Variants in MDH1 observed in about 807,000 individuals in gnomAD.
MDH1 encodes malate dehydrogenase 1, also known as malate dehydrogenase, cytoplasmic.
In MDH1, 15 loss-of-function variants were observed where a neutral mutation model predicts 38.7. That is an observed-to-expected ratio of 0.39 (90% CI 0.26 to 0.60). MDH1 has a LOEUF of 0.60. Among genes scored for constraint, MDH1 ranks in the 20% least tolerant of loss-of-function variants. The probability of loss-of-function intolerance (pLI) is 0.56; values close to 1 mark genes in which losing one functional copy is unlikely to be tolerated. For missense variants in MDH1, 368 were observed against 405.2 expected (o/e 0.91, Z 0.79); for synonymous variants, 144 against 143.6 (o/e 1.00, Z -0.02).
rs750991868 is a variant in MDH1, at chr2:63,606,908, C to T, written c.926C>T (p.Ser309Leu). 1 of 1,612,118 alleles carries T rather than the reference C, an allele frequency of 6.2e-7. No individual in the cohort carries two copies. Among genetic ancestry groups the T allele is most frequent in the Non-Finnish European group, 8.5e-7 (1 of 1,178,612 alleles). The change falls in exon 9 of 9, where the codon TCA (serine) becomes TTA (leucine). Residue 309 changes from serine (S) to leucine (L), a missense_variant. By Grantham distance (145) the Ser-to-Leu change is moderately radical. Transcript: ENST00000233114. ...FVEGLPINDF[S>L]REKMDLTAKE... ...GAAGGTCTCCCTATTAATGATTTCTCACGTGAGAAGATGGATCTTACTGCA... is the reference window on the plus strand; with the variant it reads ...GAAGGTCTCCCTATTAATGATTTCTTACGTGAGAAGATGGATCTTACTGCA...
rs772046011 is a variant in MDH1 at position 63,594,585 on chromosome 2, A to C, written c.101A>C (p.Gln34Pro). The part of the protein sequence containing the change: ...IGNGSVFGKD[Q>P]PIILVLLDIT... ...AATGGATCTGTCTTTGGTAAAGATCAGGTAGGAACAGGTGTCTATAAATCT... is the reference window on the plus strand; with the variant it reads ...AATGGATCTGTCTTTGGTAAAGATCCGGTAGGAACAGGTGTCTATAAATCT... The change falls in exon 2 of 9, where the codon CAG becomes CCG. Residue 34 changes from glutamine to proline, a missense_variant and splice_region_variant. Transcript: ENST00000233114. 3 of 1,589,646 alleles carry C rather than the reference A, an allele frequency of 1.9e-6. No homozygotes were observed. The Admixed American group carries it at 5.0e-5, about 27-fold the overall frequency.
chr2:63,588,999 A>C lies in MDH1; in HGVS notation c.-45A>C. ...GCGGTAGAGGTGACCTGACTCTCTGAGGCTCATTTTGCAGTTGTTGAAATT... is the reference window on the plus strand; with the variant it reads ...GCGGTAGAGGTGACCTGACTCTCTGCGGCTCATTTTGCAGTTGTTGAAATT... On this transcript the variant is annotated 5_prime_UTR_variant, in exon 1 of 9. Coordinates refer to ENST00000233114, the MANE Select transcript of MDH1 (RefSeq NM_005917.4). The C allele has an allele frequency of 1.9e-6, 3 of 1,614,144 alleles. No homozygotes were observed. Among genetic ancestry groups the C allele is most frequent in the Non-Finnish European group, 2.5e-6 (3 of 1,180,012 alleles).
At chr2:63,597,665 T>C in intron 4 of MDH1, 91 bp downstream of exon 4, 2 of 1,149,604 alleles carry the variant, frequency 1.7e-6, no homozygotes, top group South Asian at 3.6e-5. Context: ...TTATTTGCCC[T>C]TTTTTCTAGT....
intron 5 of MDH1, 58 bp downstream of exon 5, chr2:63,599,350 A>G: frequency 6.5e-7 from 1 of 1,540,576 alleles, no homozygotes; most frequent in South Asian, 1.2e-5. Context: ...TTTTTCTCTC[A>G]CTTTTAAAAT....
rs1019117739 is a variant in MDH1 at position 63,595,619 on chromosome 2, T to C, written c.199+100T>C. 10 of 720,392 alleles carry C rather than the reference T, an allele frequency of 1.4e-5. No individual in the cohort carries two copies. The African/African-American group carries it at 1.4e-4, about 10-fold the overall frequency. The allele number at this position is 720,392 out of a possible 1,614,324, so 44.6% of individuals were successfully genotyped here. On this transcript the variant is annotated intron_variant, in intron 3 of 8. Transcript: ENST00000233114. ...AGGCTCTCAATTAGAAATTATTTCA[T>C]AAGAGGATTTTTTTATTTTGAACTA...
chr2:63,599,352 T>G, intron 5 of MDH1, 60 bp downstream of exon 5: 1 of 1,534,250 alleles, frequency 6.5e-7, no homozygotes, highest in East Asian at 2.4e-5. Context: ...TTTCTCTCAC[T>G]TTTAAAATAA....
At chr2:63,601,977 G>C (rs1054825106) in intron 5 of MDH1, among the ~76,000 whole-genome samples, 7 of 152,112 alleles carry the variant, frequency 4.6e-5, no homozygotes, top group Non-Finnish European at 1.0e-4. Context: ...ATTGAACAGC[G>C]TGCCACTCTA....
chr2:63,599,386 T>C (rs1447557404), intron 5 of MDH1, 94 bp downstream of exon 5: 2 of 1,357,528 alleles, frequency 1.5e-6, no homozygotes, highest in Non-Finnish European at 2.0e-6. Context: ...TGTGCTTTTT[T>C]CTTGTTTTTG....
rs1575721137 is a variant in MDH1, at chr2:63,595,085, T to C, written c.103-338T>C. ...AATTATTCTTTCATGTCAGATACTG[T>C]ACTTAGCTTTCCATGAACTGAAATC... On this transcript the variant is annotated intron_variant, in intron 2 of 8. Coordinates refer to ENST00000233114, the MANE Select transcript of MDH1 (RefSeq NM_005917.4). The C allele has an allele frequency of 8.2e-6, 3 of 367,082 alleles. No homozygotes were observed. The East Asian group carries it at 2.1e-4, about 26-fold the overall frequency. The allele number at this position is 367,082 out of a possible 1,614,324, so 22.7% of individuals were successfully genotyped here. A position where few individuals can be genotyped will look rare whatever the true frequency, so the allele number is the denominator to read the frequency against.
chr2:63,597,606 A>AT, intron 4 of MDH1, 32 bp downstream of exon 4: 4 of 1,331,322 alleles, frequency 3.0e-6, no homozygotes, highest in Non-Finnish European at 3.9e-6. Context: ...GGGATTTTTC[A>AT]TTATTAGCAT....
chr2:63,591,080 T>A (rs924645462), intron 1 of MDH1: 2 of 152,208 alleles, frequency 1.3e-5, no homozygotes, highest in Admixed American at 1.3e-4. Context: ...ACACTTAAAT[T>A]CAATCTTTAT....
rs1288034644 is a variant in MDH1, at chr2:63,606,009, C to A, written c.860C>A (p.Ser287Ter). The A allele has an allele frequency of 6.2e-7, 1 of 1,614,032 alleles. No homozygotes were observed. The highest frequency in any genetic ancestry group is 8.5e-7 in the Non-Finnish European group (1 of 1,179,876). The change falls in exon 8 of 9, where the codon TCA becomes TAA. Residue 287 changes from serine (S) to a stop codon, truncating the protein, a stop_gained. Coordinates refer to ENST00000233114, the MANE Select transcript of MDH1 (RefSeq NM_005917.4). LOFTEE classifies it high-confidence loss of function. Reference sequence around the variant, plus strand: ...GGTGTTCCTGATGATCTGCTCTACTCATTCCCTGTTGTAATCAAGGTAAGG... The same window carrying A: ...GGTGTTCCTGATGATCTGCTCTACTAATTCCCTGTTGTAATCAAGGTAAGG... ...SYGVPDDLLYSFPVVIKNKTW... is the reference protein window; with the variant it reads ...SYGVPDDLLY
At chr2:63,594,766 T>C in intron 2 of MDH1, 180 bp downstream of exon 2, 1 of 525,480 alleles carries the variant, frequency 1.9e-6, no homozygotes, top group Non-Finnish European at 3.4e-6. Context: ...CTCCAGGCAC[T>C]GAAAACACTT....
intron 3 of MDH1, among the ~76,000 whole-genome samples, chr2:63,596,750 T>A (rs1297532788): frequency 1.3e-5 from 2 of 152,202 alleles, no homozygotes; most frequent in Admixed American, 6.5e-5. Context: ...AGAAGTGCGA[T>A]GACTTATGTT....
chr2:63,600,301 T>C (rs951448174), intron 5 of MDH1, among the ~76,000 whole-genome samples: 1 of 152,212 alleles, frequency 6.6e-6, no homozygotes, highest in African/African-American at 2.4e-5. Flanking sequence ...AGTAACCATA[T>C]GGGTATCTCA....
intron 5 of MDH1, 22 bp downstream of exon 5, chr2:63,599,314 T>A: frequency 6.3e-7 from 1 of 1,599,918 alleles, no homozygotes; most frequent in Non-Finnish European, 8.5e-7. Flanking sequence ...ATATTTTAAA[T>A]CTTGTGGTTG....
rs143628502 is a variant in MDH1 at position 63,592,271 on chromosome 2, A to T, written c.4-2217A>T. On this transcript the variant is annotated intron_variant, in intron 1 of 8. Coordinates refer to ENST00000233114, the MANE Select transcript of MDH1 (RefSeq NM_005917.4). ...TGACAATTTTGTTAGCTATAGTTGG[A>T]ACTATTGTGGTCACTAAGTTTCCAG... Among the ~76,000 whole-genome samples the T allele has an allele frequency of 2.6e-5, 4 of 152,350 alleles. No homozygotes were observed. The East Asian group carries it at 7.7e-4, about 29-fold the overall frequency.
intron 8 of MDH1, 39 bp downstream of exon 8, chr2:63,606,067 T>G (rs770747272): frequency 6.6e-7 from 1 of 1,525,888 alleles, no homozygotes; most frequent in East Asian, 2.2e-5. Context: ...TTTGAGGAAG[T>G]AGTTATATGT....
In MDH1 at chr2:63,599,261, C is replaced by T. The variant is rs1204829166; in HGVS notation, c.467C>T (p.Thr156Ile). The T allele has an allele frequency of 1.9e-6, 3 of 1,613,810 alleles. No homozygotes were observed. The highest frequency in any genetic ancestry group is 2.5e-6 in the Non-Finnish European group (3 of 1,179,806). Residue 156 changes from threonine (T) to isoleucine (I), a missense_variant, in exon 5 of 9, where the codon ACT (threonine) becomes ATT (isoleucine). Coordinates refer to ENST00000233114, the MANE Select transcript of MDH1 (RefSeq NM_005917.4). ...SIPKENFSCL[T>I]RLDHNRAKAQ... Reference sequence around the variant, plus strand: ...CCCAAGGAGAACTTCAGTTGCTTGACTCGTTTGGATCACAACCGAGCTAAA... The same window carrying T: ...CCCAAGGAGAACTTCAGTTGCTTGATTCGTTTGGATCACAACCGAGCTAAA...
Sources: allele counts gnomAD v4.1 joint callset (sites outside exome capture counted in the v4.1 genomes callset), GRCh38; gene constraint gnomAD v4.1.1; transcripts MANE v1.5; gene names NCBI Gene and HGNC (gene_info 2026-07-23, HGNC 2026-07-21).